The following GLS variants were observed in gnomAD, a reference collection of about 807,000 sequenced individuals.
The protein encoded by GLS is glutaminase.
In GLS, 36 loss-of-function variants were observed where a neutral mutation model predicts 86.7. The ratio of observed to expected loss-of-function variants is 0.42; its 90% CI spans 0.32 to 0.55. The LOEUF (loss-of-function observed/expected upper bound fraction) is 0.55. Among genes scored for constraint, GLS ranks in the 20% least tolerant of loss-of-function variants. GLS has a pLI of 0.17. For missense variants in GLS, 528 were observed against 833.4 expected (o/e 0.63, Z 4.51); for synonymous variants, 317 against 305.9 (o/e 1.04, Z -0.38).
In GLS at chr2:190,905,018, A is replaced by T. The variant is rs1166479505; in HGVS notation, c.830A>T (p.Asp277Val). The change falls in exon 6 of 18, where the codon GAT (aspartate) becomes GTT (valine). Residue 277 changes from aspartate to valine, a missense_variant. Transcript: ENST00000320717. The surrounding 1 kb of genome is among the most constrained non-coding windows in gnomAD (Gnocchi z 4.6). Reference protein sequence around the residue: ...TVDGQRHSTGDTKVPFCLQSC... With the variant: ...TVDGQRHSTGVTKVPFCLQSC... ...CTTTTAAATAGGCATTCTACTGGAG[A>T]TACCAAAGTTCCCTTCTGTCTTCAG... is the stretch of plus-strand genomic sequence containing the variant. 6.3e-7 allele frequency: 1 copy of T among 1,590,946 alleles called. No individual in the cohort carries two copies. The highest frequency in any genetic ancestry group is 1.3e-5 in the African/African-American group (1 of 74,522).
rs962248288 is a variant in GLS, at chr2:190,930,296, G to A, written c.1426-141G>A. The A allele has an allele frequency of 8.0e-6, 5 of 627,186 alleles. No homozygotes were observed. The highest frequency in any genetic ancestry group is 1.9e-5 in the South Asian group (1 of 52,840). 38.9% of individuals were successfully genotyped at this position (627,186 alleles called of 1,614,324 possible). On this transcript the variant is annotated intron_variant, in intron 12 of 17. Coordinates refer to ENST00000320717, the MANE Select transcript of GLS (RefSeq NM_014905.5). This position sits in a 1 kb window ranked among gnomAD's most constrained non-coding sequence, Gnocchi z 5.0. ...TAGCCTCCAACTCCTGGGCTCAAGT[G>A]ATCTGCTTGCCTTGGCCTCCCAAAG...
At chr2:190,901,559 T>G (rs1436704433) in intron 4 of GLS, among the ~76,000 whole-genome samples, 3 of 152,018 alleles carry the variant, frequency 2.0e-5, no homozygotes, top group Non-Finnish European at 2.9e-5. Flanking sequence ...TACTTACTTT[T>G]AAATACTTGA....
chr2:190,933,071 T>C (rs543025946), intron 14 of GLS: 2 of 1,009,838 alleles, frequency 2.0e-6, no homozygotes, highest in Admixed American at 1.0e-4. Flanking sequence ...TATTTACAAG[T>C]ACATAAATTT....
intron 1 of GLS, among the ~76,000 whole-genome samples, chr2:190,887,057 T>A (rs544472426): frequency 1.4e-4 from 22 of 152,320 alleles, no homozygotes; most frequent in African/African-American, 5.3e-4. Flanking sequence ...TCATGTTAAA[T>A]CCTATATAAA....
intron 12 of GLS, among the ~76,000 whole-genome samples, chr2:190,928,708 CTT>C (rs34693346): frequency 2.9e-5 from 4 of 136,404 alleles, no homozygotes; most frequent in Admixed American, 7.3e-5. Flanking sequence ...GTTTTGTCTC[CTT>C]TTTTTTTTTT....
chr2:190,933,028 G>A, intron 14 of GLS: 1 of 1,117,018 alleles, frequency 9.0e-7, no homozygotes, highest in Non-Finnish European at 1.1e-6. Context: ...AAAGGCAGTA[G>A]ATTAAGAAGT....
chr2:190,930,573 G>A lies in GLS; in HGVS notation c.1557+5G>A. On this transcript the variant is annotated splice_donor_5th_base_variant and intron_variant, in intron 13 of 17. Coordinates refer to ENST00000320717, the MANE Select transcript of GLS (RefSeq NM_014905.5). The surrounding 1 kb of genome is among the most constrained non-coding windows in gnomAD (Gnocchi z 5.0). ...AAGGGAATTCACTTTTGTCACGTAA[G>A]CATATTTTCTTAATGTAAATAATGG... 6.2e-7 allele frequency: 1 copy of A among 1,601,526 alleles called. No homozygotes were observed. The highest frequency in any genetic ancestry group is 1.3e-5 in the African/African-American group (1 of 74,178).
chr2:190,901,206 TTAACTACTTA>T (rs1426879941), intron 4 of GLS, among the ~76,000 whole-genome samples: 1 of 152,096 alleles, frequency 6.6e-6, no homozygotes, highest in East Asian at 1.9e-4. Context: ...CCCTTAAAAC[TTAACTACTTA>T]TAACTACTGT....
Position 190,895,349 on chromosome 2 carries a change from A to G in GLS, c.483+101A>G, listed in dbSNP as rs1436306471. Reference sequence around the variant, plus strand: ...GTCTTAAAGGTCGTCTGACATGTAGATTCTGACTGACAATATTTCTCTTAT... The same window carrying G: ...GTCTTAAAGGTCGTCTGACATGTAGGTTCTGACTGACAATATTTCTCTTAT... On this transcript the variant is annotated intron_variant, in intron 2 of 17. Transcript: ENST00000320717. The surrounding 1 kb of genome is among the most constrained non-coding windows in gnomAD (Gnocchi z 4.2). 1 of 560,662 alleles carries G rather than the reference A, an allele frequency of 1.8e-6. No homozygotes were observed. The highest frequency in any genetic ancestry group is 3.2e-5 in the Admixed American group (1 of 31,554). The allele number at this position is 560,662 out of a possible 1,614,324, so 34.7% of individuals were successfully genotyped here. A position where few individuals can be genotyped will look rare whatever the true frequency, so the allele number is the denominator to read the frequency against.
chr2:190,955,513 T>G lies in GLS; in HGVS notation c.1853+695T>G, dbSNP rs562336254. On this transcript the variant is annotated intron_variant, in intron 17 of 17. Transcript: ENST00000320717. The surrounding 1 kb of genome is among the most constrained non-coding windows in gnomAD (Gnocchi z 5.6). ...ATGGTGTATATGTGCCACATTTTCT[T>G]TATCCAGTCTATTATCGATGGTCAT... Among the ~76,000 whole-genome samples, 2 of 152,376 alleles carry G rather than the reference T, an allele frequency of 1.3e-5. No individual in the cohort carries two copies. The highest frequency in any genetic ancestry group is 4.8e-5 in the African/African-American group (2 of 41,590).
In GLS at chr2:190,955,122, AT is replaced by A. The variant is rs147098194; in HGVS notation, c.1853+308del. 5.8e-3 allele frequency among the ~76,000 whole-genome samples: 888 copies of A among 152,058 alleles called. 22 individuals carry two copies. The highest frequency in any genetic ancestry group is 0.053 in the East Asian group (274 of 5,178). ...AAGAATTGGAATTTTATCCTCATGG[AT>A]TTTAAAAAAAAAATTTTTAAATTAC... On this transcript the variant is annotated intron_variant, in intron 17 of 17. Coordinates refer to ENST00000320717, the MANE Select transcript of GLS (RefSeq NM_014905.5). The surrounding 1 kb of genome is among the most constrained non-coding windows in gnomAD (Gnocchi z 5.6).
chr2:190,924,690 G>A lies in GLS; in HGVS notation c.1248+97G>A. 2 of 717,014 alleles carry A rather than the reference G, an allele frequency of 2.8e-6. No individual in the cohort carries two copies. Among genetic ancestry groups the A allele is most frequent in the South Asian group, 2.9e-5 (2 of 69,678 alleles). The allele number at this position is 717,014 out of a possible 1,614,324, so 44.4% of individuals were successfully genotyped here. On this transcript the variant is annotated intron_variant, in intron 11 of 17. Coordinates refer to ENST00000320717, the MANE Select transcript of GLS (RefSeq NM_014905.5). This position sits in a 1 kb window ranked among gnomAD's most constrained non-coding sequence, Gnocchi z 5.2. ...CCAGCACTTTGGGAGGCCAGGGCAGGTGGATCATGAGGTCAAGAGATAGAG... is the reference window on the plus strand; with the variant it reads ...CCAGCACTTTGGGAGGCCAGGGCAGATGGATCATGAGGTCAAGAGATAGAG...
At position 190,964,012 on chromosome 2, in the gene GLS, A is replaced by C. The variant is rs1221154028; in HGVS notation, c.*1026A>C. ...TACAACTAACAAACATTTGTTTCCA[A>C]GCCTGTCATTAAGAGTCTGCATCAA... On this transcript the variant is annotated 3_prime_UTR_variant, in exon 18 of 18. Transcript: ENST00000320717. The surrounding 1 kb of genome is among the most constrained non-coding windows in gnomAD (Gnocchi z 5.2). 1.3e-5 allele frequency: 2 copies of C among 152,126 alleles called. No homozygotes were observed. The highest frequency in any genetic ancestry group is 1.5e-5 in the Non-Finnish European group (1 of 68,026). 9.4% of individuals were successfully genotyped at this position (152,126 alleles called of 1,614,324 possible).
rs1326986214 is a variant in GLS, at chr2:190,956,015, A to T, written c.1853+1197A>T. On this transcript the variant is annotated intron_variant, in intron 17 of 17. Transcript: ENST00000320717. This position sits in a 1 kb window ranked among gnomAD's most constrained non-coding sequence, Gnocchi z 4.2. ...TGCTTAACTTCCTTGTAGATTCTGGATATTAGCCCTTTGTCAGATGGATAG... is the reference window on the plus strand; with the variant it reads ...TGCTTAACTTCCTTGTAGATTCTGGTTATTAGCCCTTTGTCAGATGGATAG... 1.3e-5 allele frequency among the ~76,000 whole-genome samples: 2 copies of T among 152,170 alleles called. No individual in the cohort carries two copies. Among genetic ancestry groups the T allele is most frequent in the Admixed American group, 6.5e-5 (1 of 15,290 alleles).
At chr2:190,946,187 T>C (rs895790573) in intron 14 of GLS, among the ~76,000 whole-genome samples, 3 of 152,232 alleles carry the variant, frequency 2.0e-5, no homozygotes, top group African/African-American at 7.2e-5. Flanking sequence ...CTTTTACCCT[T>C]GGGCAAGGTG....
chr2:190,924,112 C>T lies in GLS; in HGVS notation c.1197+129C>T, dbSNP rs1291503183. On this transcript the variant is annotated intron_variant, in intron 10 of 17. Coordinates refer to ENST00000320717, the MANE Select transcript of GLS (RefSeq NM_014905.5). The surrounding 1 kb of genome is among the most constrained non-coding windows in gnomAD (Gnocchi z 5.2). ...ACTATTTAAGGTGCAGAAGTTTTTG[C>T]AGAGTGCTCGTGAGTCAGTGTTATC... 1.6e-6 allele frequency: 1 copy of T among 607,330 alleles called. No homozygotes were observed. Among genetic ancestry groups the T allele is most frequent in the South Asian group, 2.2e-5 (1 of 46,150 alleles). The allele number at this position is 607,330 out of a possible 1,614,324, so 37.6% of individuals were successfully genotyped here.
intron 14 of GLS, among the ~76,000 whole-genome samples, chr2:190,932,161 C>T (rs1017003921): frequency 1.1e-4 from 17 of 151,894 alleles, no homozygotes; most frequent in African/African-American, 3.9e-4. Flanking sequence ...ATATTTTTTT[C>T]CACCGTGTTT....
intron 17 of GLS, among the ~76,000 whole-genome samples, chr2:190,961,689 G>GTTTGTT (rs1691004821): frequency 7.4e-6 from 1 of 135,888 alleles, no homozygotes; most frequent in African/African-American, 2.7e-5. Context: ...TAATTCAGCT[G>GTTTGTT]TTTTTTTTTT....
At chr2:190,932,596 G>A in intron 14 of GLS, 1 of 663,546 alleles carries the variant, frequency 1.5e-6, no homozygotes, top group Non-Finnish European at 2.2e-6. Flanking sequence ...CAAAATGTCA[G>A]AGGTGGTGGT....
Sources: allele counts gnomAD v4.1 joint callset (sites outside exome capture counted in the v4.1 genomes callset), GRCh38; gene constraint gnomAD v4.1.1; non-coding constraint Gnocchi (gnomAD v3.1); transcripts MANE v1.5; gene names NCBI Gene and HGNC (gene_info 2026-07-23, HGNC 2026-07-21).